The following PHF24 variants were observed in gnomAD, a reference collection of about 807,000 sequenced individuals.
The protein encoded by PHF24 is PHD finger protein 24.
PHF24 carries 25 observed loss-of-function variants against 42.6 expected under a neutral mutation model. The ratio of observed to expected loss-of-function variants is 0.59; its 90% CI spans 0.43 to 0.82. The LOEUF (loss-of-function observed/expected upper bound fraction) is 0.82. Ranked by LOEUF, PHF24 falls within the 40% of genes least tolerant of loss-of-function variation. The pLI, the probability that PHF24 is intolerant of heterozygous loss-of-function variation, is 0.00. For synonymous variants in PHF24, 185 were observed against 204.8 expected (o/e 0.90, Z 0.83); for missense variants, 470 against 538.1 (o/e 0.87, Z 1.25).
chr9:34,732,984 A>G, the PHF24 span, among the ~76,000 whole-genome samples: 2 of 152,242 alleles, frequency 1.3e-5, no homozygotes, highest in Non-Finnish European at 2.9e-5. Flanking sequence ...TAACACTGAC[A>G]TGAACCTCAT....
At chr9:34,836,270 C>T in the PHF24 span, among the ~76,000 whole-genome samples, 197 of 152,288 alleles carry the variant, frequency 1.3e-3, 1 homozygote, top group African/African-American at 4.5e-3. Flanking sequence ...CTCAGACAAC[C>T]CACAGAAGGG....
At chr9:34,972,166 A>G (rs1358512775) in intron 2 of PHF24, among the ~76,000 whole-genome samples, 180 bp from the exon 3 acceptor site, 4 of 152,210 alleles carry the variant, frequency 2.6e-5, no homozygotes, top group African/African-American at 9.7e-5. Flanking sequence ...GAGCAGCTGG[A>G]AGGACCTCCT....
the PHF24 span, among the ~76,000 whole-genome samples, chr9:34,798,550 C>CT: frequency 7.2e-5 from 11 of 152,132 alleles, no homozygotes; most frequent in Non-Finnish European, 5.9e-5. Flanking sequence ...AGATTTTGTT[C>CT]TTTTTTATGG....
the PHF24 span, among the ~76,000 whole-genome samples, chr9:34,821,143 A>T: frequency 6.6e-6 from 1 of 152,186 alleles, no homozygotes; most frequent in Non-Finnish European, 1.5e-5. Context: ...TTTGCCTCTT[A>T]TTAGGATTTT....
the PHF24 span, among the ~76,000 whole-genome samples, chr9:34,701,764 G>GA: frequency 1.3e-5 from 2 of 152,040 alleles, no homozygotes; most frequent in East Asian, 3.9e-4. This position sits in a 1 kb window ranked among gnomAD's most constrained non-coding sequence, Gnocchi z 5.8. Flanking sequence ...TGCCACCCAG[G>GA]CCCCCGAGCC....
the PHF24 span, among the ~76,000 whole-genome samples, chr9:34,736,167 A>G: frequency 6.6e-6 from 1 of 152,170 alleles, no homozygotes; most frequent in Non-Finnish European, 1.5e-5. Flanking sequence ...AAGCAAAACA[A>G]TACCAGAACA....
At chr9:34,767,555 G>A in the PHF24 span, among the ~76,000 whole-genome samples, 1 of 152,248 alleles carries the variant, frequency 6.6e-6, no homozygotes, top group Non-Finnish European at 1.5e-5. Flanking sequence ...AAGCCCGTCG[G>A]AAAGGCGCAG....
the PHF24 span, among the ~76,000 whole-genome samples, chr9:34,891,445 C>T: frequency 6.6e-6 from 1 of 152,142 alleles, no homozygotes; most frequent in African/African-American, 2.4e-5. Flanking sequence ...GCGGACTGGC[C>T]CTCCTGCCAC....
the PHF24 span, among the ~76,000 whole-genome samples, chr9:34,748,139 A>G: frequency 6.6e-6 from 1 of 152,158 alleles, no homozygotes; most frequent in Non-Finnish European, 1.5e-5. Context: ...GATACAATAG[A>G]GTTTTGAGGT....
the PHF24 span, among the ~76,000 whole-genome samples, chr9:34,735,644 CA>C: frequency 2.0e-5 from 3 of 150,632 alleles, no homozygotes; most frequent in African/African-American, 7.4e-5. Context: ...ACCAAAAATA[CA>C]AAAATTAGCT....
At chr9:34,795,168 G>C in the PHF24 span, among the ~76,000 whole-genome samples, 1 of 151,972 alleles carries the variant, frequency 6.6e-6, no homozygotes, top group East Asian at 1.9e-4. Flanking sequence ...AGCATCACTT[G>C]AGGAGGTTGA....
the PHF24 span, among the ~76,000 whole-genome samples, chr9:34,785,624 T>C: frequency 6.6e-6 from 1 of 152,192 alleles, no homozygotes; most frequent in Non-Finnish European, 1.5e-5. Flanking sequence ...GTACAGGAAG[T>C]AATACACACC....
chr9:34,893,210 A>G, the PHF24 span: 9 of 472,586 alleles, frequency 1.9e-5, no homozygotes, highest in African/African-American at 1.4e-4. Flanking sequence ...TTCTCGGAAA[A>G]GTGTGGGCCG....
At chr9:34,738,757 G>A in the PHF24 span, among the ~76,000 whole-genome samples, 2 of 152,134 alleles carry the variant, frequency 1.3e-5, no homozygotes, top group South Asian at 2.1e-4. Flanking sequence ...TATAAGAGAC[G>A]GGATATAGGA....
chr9:34,862,076 A>G, the PHF24 span, among the ~76,000 whole-genome samples: 1 of 152,116 alleles, frequency 6.6e-6, no homozygotes, highest in Admixed American at 6.5e-5. Flanking sequence ...CACACGGTGG[A>G]AGGGGCAAGA....
the PHF24 span, among the ~76,000 whole-genome samples, chr9:34,816,658 G>T: frequency 1.3e-5 from 2 of 152,154 alleles, no homozygotes; most frequent in African/African-American, 4.8e-5. Flanking sequence ...TCCCATTCAT[G>T]AGGGCTGAGC....
At chr9:34,833,107 C>T in the PHF24 span, 80 of 1,551,472 alleles carry the variant, frequency 5.2e-5, no homozygotes, top group Middle Eastern at 5.0e-4. Flanking sequence ...GCCCAAACCC[C>T]GCATCCCCTT....
chr9:34,890,344 G>A, the PHF24 span, among the ~76,000 whole-genome samples: 1 of 152,194 alleles, frequency 6.6e-6, no homozygotes, highest in African/African-American at 2.4e-5. Flanking sequence ...CTCTGCTGGG[G>A]TAGGGACTTG....
At chr9:34,740,130 G>A in the PHF24 span, among the ~76,000 whole-genome samples, 1 of 152,210 alleles carries the variant, frequency 6.6e-6, no homozygotes, top group Non-Finnish European at 1.5e-5. Flanking sequence ...AGACATAAAG[G>A]TTCTCCATGT....
Sources: gnomAD v4.1 joint callset for allele counts (sites outside exome capture counted in the v4.1 genomes callset) on GRCh38, gnomAD v4.1.1 for gene constraint, Gnocchi (gnomAD v3.1) non-coding constraint, MANE v1.5 for transcripts, NCBI Gene and HGNC (gene_info 2026-07-23, HGNC 2026-07-21) for gene names.